The following CABLES1 variants were observed in gnomAD, a reference collection of about 807,000 sequenced individuals.
The protein encoded by CABLES1 is CDK5 and ABL1 enzyme substrate 1.
Under a neutral mutation model 57.8 loss-of-function variants are expected in CABLES1, and 36 were observed. That is an observed-to-expected ratio of 0.62 (90% CI 0.48 to 0.82). CABLES1 has a LOEUF of 0.82. Ranked by LOEUF, CABLES1 falls within the 40% of genes least tolerant of loss-of-function variation. CABLES1 has a pLI of 0.00. For synonymous variants in CABLES1, 374 were observed against 363.0 expected (o/e 1.03, Z -0.35); for missense variants, 767 against 836.6 (o/e 0.92, Z 1.03).
chr18:23,187,220 T>C (rs2145013567), intron 1 of CABLES1, among the ~76,000 whole-genome samples: 1 of 152,318 alleles, frequency 6.6e-6, no homozygotes, highest in Non-Finnish European at 1.5e-5. Context: ...GAAATGGAAA[T>C]TCACTGTTAG....
At chr18:23,252,918 C>A in intron 7 of CABLES1, 42 bp from the exon 8 acceptor site, 1 of 1,340,108 alleles carries the variant, frequency 7.5e-7, no homozygotes. Flanking sequence ...TACATACGAC[C>A]CTTGTTTTAA....
In CABLES1 at chr18:23,235,998, A is replaced by G; in HGVS notation, c.1289A>G (p.His430Arg). 1 of 1,614,212 alleles carries G rather than the reference A, an allele frequency of 6.2e-7. No individual in the cohort carries two copies. The highest frequency in any genetic ancestry group is 8.5e-7 in the Non-Finnish European group (1 of 1,180,042). Reference sequence around the variant, plus strand: ...TTCTCCCAGTTCCGTAACCTGAGCCACCGCAGCCTCTCCATAGGCCGGGCA... The same window carrying G: ...TTCTCCCAGTTCCGTAACCTGAGCCGCCGCAGCCTCTCCATAGGCCGGGCA... ...SSFSQFRNLS[H>R]RSLSIGRASG... is the part of the protein sequence containing the mutation. The change falls in exon 6 of 10, where the codon CAC becomes CGC. Residue 430 changes from histidine (H) to arginine (R), a missense_variant. By Grantham distance (29) the His-to-Arg change is conservative. Transcript: ENST00000256925.
At chr18:23,166,492 C>T (rs1045358035) in intron 1 of CABLES1, among the ~76,000 whole-genome samples, 5 of 152,124 alleles carry the variant, frequency 3.3e-5, no homozygotes, top group South Asian at 2.1e-4. Flanking sequence ...CGTGAGCCAC[C>T]GCTCCTGGCC....
chr18:23,232,722 C>G (rs1174223828), intron 4 of CABLES1, among the ~76,000 whole-genome samples: 1 of 152,124 alleles, frequency 6.6e-6, no homozygotes, highest in Non-Finnish European at 1.5e-5. Context: ...TCCCAGGAAG[C>G]CTGCTGTGGA....
chr18:23,192,518 C>CA (rs2047251697), intron 2 of CABLES1, among the ~76,000 whole-genome samples: 1 of 152,160 alleles, frequency 6.6e-6, no homozygotes, highest in African/African-American at 2.4e-5. Context: ...AGGAAGGAGC[C>CA]AGAGTCTGCT....
chr18:23,195,387 A>G (rs1187895390), intron 3 of CABLES1, among the ~76,000 whole-genome samples: 1 of 152,202 alleles, frequency 6.6e-6, no homozygotes, highest in African/African-American at 2.4e-5. Flanking sequence ...CTCCTAATTT[A>G]TAGAAGACCA....
chr18:23,229,141 G>A (rs547696995), intron 4 of CABLES1, among the ~76,000 whole-genome samples: 75 of 152,310 alleles, frequency 4.9e-4, no homozygotes, highest in Non-Finnish European at 8.5e-4. Context: ...GGCCAGGCAC[G>A]GTGGCTCACG....
At chr18:23,218,373 C>T (rs1396856420) in intron 4 of CABLES1, among the ~76,000 whole-genome samples, 14 of 71,682 alleles carry the variant, frequency 2.0e-4, no homozygotes, top group East Asian at 1.1e-3. Context: ...CTTGCCCTGG[C>T]TCCCGCATCC....
At chr18:23,218,140 C>T (rs577361404) in intron 4 of CABLES1, among the ~76,000 whole-genome samples, 72 of 152,322 alleles carry the variant, frequency 4.7e-4, no homozygotes, top group Middle Eastern at 3.4e-3. Flanking sequence ...TCTCGTAGTT[C>T]GTCTGCTGGG....
At chr18:23,155,941 T>C in intron 1 of CABLES1, 2 of 1,614,236 alleles carry the variant, frequency 1.2e-6, no homozygotes, top group East Asian at 2.2e-5. Context: ...GAATATATGC[T>C]GATTTTCCCA....
Position 23,135,917 on chromosome 18 carries a change from C to A in CABLES1, c.155C>A (p.Pro52His). The stretch of plus-strand genomic sequence containing the variant: ...CCGGCCCAGCCGCCGCCCGAACCCC[C>A]CCGGAAGCCGCGCATGGACCCGCGG... Reference protein sequence around the residue: ...AAPAQPPPEPPRKPRMDPRRR... With the variant: ...AAPAQPPPEPHRKPRMDPRRR... The change falls in exon 1 of 10, where the codon CCC becomes CAC. Residue 52 changes from proline to histidine, a missense_variant. Physicochemically the swap from Pro to His is moderately conservative, Grantham distance 77 (BLOSUM62 -2). Coordinates refer to ENST00000256925, the MANE Select transcript of CABLES1 (RefSeq NM_001100619.3). 9.1e-7 allele frequency: 1 copy of A among 1,094,198 alleles called. No homozygotes were observed. The highest frequency in any genetic ancestry group is 1.7e-5 in the African/African-American group (1 of 59,598). The allele number at this position is 1,094,198 out of a possible 1,614,324, so 67.8% of individuals were successfully genotyped here.
intron 1 of CABLES1, among the ~76,000 whole-genome samples, chr18:23,145,570 T>TCAAG (rs1340328234): frequency 6.6e-6 from 1 of 152,196 alleles, no homozygotes; most frequent in Non-Finnish European, 1.5e-5. Flanking sequence ...TCTGTCCCCC[T>TCAAG]CAAGTTTCAG....
intron 4 of CABLES1, among the ~76,000 whole-genome samples, chr18:23,224,906 TGC>T (rs2047517050): frequency 6.6e-6 from 1 of 152,240 alleles, no homozygotes; most frequent in African/African-American, 2.4e-5. Flanking sequence ...CTCACTGTAT[TGC>T]CCAGGCTGGA....
At chr18:23,218,901 C>T (rs1278159387) in intron 4 of CABLES1, among the ~76,000 whole-genome samples, 2 of 152,146 alleles carry the variant, frequency 1.3e-5, no homozygotes, top group Non-Finnish European at 2.9e-5. Flanking sequence ...GAATGAGTTA[C>T]CAATCCCAAG....
At chr18:23,146,667 T>C (rs1339898440) in intron 1 of CABLES1, among the ~76,000 whole-genome samples, 3 of 152,216 alleles carry the variant, frequency 2.0e-5, no homozygotes, top group Non-Finnish European at 4.4e-5. Flanking sequence ...TTCTGTTTAT[T>C]TGTTTGATGC....
chr18:23,252,984 C>G lies in CABLES1; in HGVS notation c.1471C>G (p.Pro491Ala), dbSNP rs1326812560. Residue 491 changes from proline (P) to alanine (A), a missense_variant, in exon 8 of 10, where the codon CCC becomes GCC. Pro to Ala is a conservative substitution (Grantham distance 27). Coordinates refer to ENST00000256925, the MANE Select transcript of CABLES1 (RefSeq NM_001100619.3). ...YMTTVIDYVK[P>A]SDLKKDMNET... ...GACAACAGTGATTGACTACGTGAAG[C>G]CCTCGGATCTCAAGAAGGACATGAA... 1.9e-6 allele frequency: 3 copies of G among 1,612,596 alleles called. No individual in the cohort carries two copies. In the African/African-American group the frequency reaches 4.0e-5, roughly 22 times the overall value.
chr18:23,240,165 C>G lies in CABLES1; in HGVS notation c.1446+2920C>G, dbSNP rs1004880304. 2.6e-5 allele frequency among the ~76,000 whole-genome samples: 4 copies of G among 152,068 alleles called. No individual in the cohort carries two copies. In the South Asian group the frequency reaches 8.3e-4, roughly 31 times the overall value. On this transcript the variant is annotated intron_variant, in intron 7 of 9. Transcript: ENST00000256925. ...GGCAGGAAATGATGGAAGGGTTGGA[C>G]GTGGGCCCCAGGGGGTAGGCCTCAA... is the stretch of plus-strand genomic sequence containing the variant.
rs546800731 is a variant in CABLES1 at position 23,246,063 on chromosome 18, C to T, written c.1447-6897C>T. ...TGGGCAGATCACGAGGTCAGGAGAT[C>T]GAGACCATCCTGGCCAACGGTGTAA... On this transcript the variant is annotated intron_variant, in intron 7 of 9. Transcript: ENST00000256925. Among the ~76,000 whole-genome samples, 6 of 152,212 alleles carry T rather than the reference C, an allele frequency of 3.9e-5. No homozygotes were observed. The South Asian group carries it at 1.2e-3, about 32-fold the overall frequency.
intron 7 of CABLES1, among the ~76,000 whole-genome samples, chr18:23,240,277 G>A (rs573915114): frequency 1.3e-5 from 2 of 152,316 alleles, no homozygotes; most frequent in African/African-American, 4.8e-5. Flanking sequence ...GGAGAGCCCA[G>A]TGGAAAGACC....
Sources: gnomAD v4.1 joint callset for allele counts (sites outside exome capture counted in the v4.1 genomes callset) on GRCh38, gnomAD v4.1.1 for gene constraint, MANE v1.5 for transcripts, NCBI Gene and HGNC (gene_info 2026-07-23, HGNC 2026-07-21) for gene names.